The following PHF14 variants were observed in gnomAD, a reference collection of about 807,000 sequenced individuals.
PHF14 encodes the protein PHD finger protein 14.
Under a neutral mutation model 117.9 loss-of-function variants are expected in PHF14, and 55 were observed. The observed-to-expected ratio is 0.47, with a 90% CI of 0.38 to 0.58. The LOEUF (loss-of-function observed/expected upper bound fraction) is 0.58. Among genes scored for constraint, PHF14 ranks in the 20% least tolerant of loss-of-function variants. The pLI is 0.00. For missense variants in PHF14, 978 were observed against 1,122.2 expected (o/e 0.87, Z 1.84); for synonymous variants, 409 against 368.6 (o/e 1.11, Z -1.26).
Position 11,028,743 on chromosome 7 carries a change from A to G in PHF14, c.1380A>G (p.Ala460=), listed in dbSNP as rs376626470. The G allele has an allele frequency of 6.2e-7, 1 of 1,613,700 alleles. No individual in the cohort carries two copies. Among genetic ancestry groups the G allele is most frequent in the Admixed American group, 1.7e-5 (1 of 60,006 alleles). The change falls in exon 7 of 18, where the codon GCA becomes GCG. Residue 460 remains alanine (A), a synonymous_variant. Transcript: ENST00000634607. The part of the protein sequence containing the change: ...ARTGVCISCD[A]GMCRAYFHVT... ...CTGGGGTTTGCATTAGCTGTGATGC[A>G]GGGATGTGCAGAGCCTATTTCCATG...
chr7:11,009,481 G>A (rs957314232), intron 4 of PHF14, among the ~76,000 whole-genome samples: 4 of 148,792 alleles, frequency 2.7e-5, no homozygotes, highest in African/African-American at 1.0e-4. Flanking sequence ...GAAACACACT[G>A]AGCACATATG....
intron 3 of PHF14, 145 bp from the exon 4 acceptor site, chr7:10,990,558 C>A: frequency 1.8e-6 from 1 of 571,356 alleles, no homozygotes; most frequent in Non-Finnish European, 3.1e-6. Context: ...ATATAATGTA[C>A]TTTGAAGTTA....
intron 16 of PHF14, chr7:11,063,559 A>G (rs1562446977): frequency 9.3e-6 from 9 of 971,664 alleles, no homozygotes; most frequent in Non-Finnish European, 1.1e-5. Flanking sequence ...TTTATTAATT[A>G]TTTGAACCTG....
intron 16 of PHF14, among the ~76,000 whole-genome samples, chr7:11,073,905 C>T (rs1785719592): frequency 6.6e-6 from 1 of 152,186 alleles, no homozygotes; most frequent in Non-Finnish European, 1.5e-5. Context: ...GTGATGTGAG[C>T]TGTACCTGGG....
At chr7:11,075,983 G>C (rs1287532018) in intron 16 of PHF14, among the ~76,000 whole-genome samples, 1 of 151,970 alleles carries the variant, frequency 6.6e-6, no homozygotes, top group Admixed American at 6.6e-5. Flanking sequence ...AAATAAAAAA[G>C]TAAAAATTAG....
intron 14 of PHF14, among the ~76,000 whole-genome samples, chr7:11,057,727 A>G (rs532429162): frequency 1.3e-5 from 2 of 152,272 alleles, no homozygotes; most frequent in South Asian, 2.1e-4. Context: ...ACACCTTTTC[A>G]GTTTAAATAC....
chr7:10,983,661 C>T (rs1321542970), intron 3 of PHF14, among the ~76,000 whole-genome samples: 2 of 152,140 alleles, frequency 1.3e-5, no homozygotes, highest in Admixed American at 1.3e-4. Context: ...CCAGTTGTAG[C>T]ACTCATCATC....
intron 16 of PHF14, chr7:11,105,546 A>T (rs918073304): frequency 1.0e-6 from 1 of 980,250 alleles, no homozygotes; most frequent in African/African-American, 1.7e-5. Context: ...AAATTTAAAA[A>T]TGGCAATTGA....
chr7:11,098,742 C>G (rs1011898785), intron 16 of PHF14, among the ~76,000 whole-genome samples: 2 of 152,156 alleles, frequency 1.3e-5, no homozygotes, highest in Admixed American at 1.3e-4. Context: ...TTTAGGGTAA[C>G]AGAGGCCTTA....
rs543216128 is a variant in PHF14, at chr7:11,125,863, G to A, written c.2772+14396G>A. ...GTTATACCTTCATTGAAATTAAGTC[G>A]GTTTTTTGTTAAGGGTACCTTCAAT... On this transcript the variant is annotated intron_variant, in intron 17 of 17. Transcript: ENST00000634607. Among the ~76,000 whole-genome samples, 3 of 151,994 alleles carry A rather than the reference G, an allele frequency of 2.0e-5. No individual in the cohort carries two copies. The South Asian group carries it at 6.2e-4, about 32-fold the overall frequency.
At chr7:11,006,315 C>T (rs1583355751) in intron 4 of PHF14, 1 of 405,418 alleles carries the variant, frequency 2.5e-6, no homozygotes, top group South Asian at 2.0e-5. Context: ...TGTTACTTGC[C>T]TGTCATTTTC....
rs543403368 is a variant in PHF14 at position 11,011,328 on chromosome 7, C to G, written c.1046-2419C>G. Among the ~76,000 whole-genome samples, 32 of 152,220 alleles carry G rather than the reference C, an allele frequency of 2.1e-4. No homozygotes were observed. The South Asian group carries it at 6.4e-3, about 31-fold the overall frequency. Reference sequence around the variant, plus strand: ...TTTGATGGTTGTGAGAGGTCACGCTCCAATTTAGGCTCCTGGTTGTCTGGT... The same window carrying G: ...TTTGATGGTTGTGAGAGGTCACGCTGCAATTTAGGCTCCTGGTTGTCTGGT... On this transcript the variant is annotated intron_variant, in intron 4 of 17. Coordinates refer to ENST00000634607, the MANE Select transcript of PHF14 (RefSeq NM_001007157.2).
intron 13 of PHF14, among the ~76,000 whole-genome samples, chr7:11,045,075 C>G (rs1784622048): frequency 6.6e-6 from 1 of 152,124 alleles, no homozygotes; most frequent in Non-Finnish European, 1.5e-5. Context: ...ATCCTACATT[C>G]TGTGATGCCA....
intron 16 of PHF14, among the ~76,000 whole-genome samples, chr7:11,099,884 A>G (rs1017185814): frequency 6.6e-6 from 1 of 152,162 alleles, no homozygotes; most frequent in African/African-American, 2.4e-5. Context: ...CATCACTACT[A>G]AGCAGCAGGG....
At chr7:11,058,167 A>G (rs977408764) in intron 14 of PHF14, among the ~76,000 whole-genome samples, 6 of 152,202 alleles carry the variant, frequency 3.9e-5, no homozygotes, top group South Asian at 2.1e-4. Context: ...CCACCCAGTT[A>G]TATATACTTC....
chr7:11,089,398 AG>A (rs1320180073), intron 16 of PHF14, among the ~76,000 whole-genome samples: 1 of 152,180 alleles, frequency 6.6e-6, no homozygotes, highest in Non-Finnish European at 1.5e-5. Context: ...TTTCTCTAAA[AG>A]GTGAAATTCA....
At position 11,003,085 on chromosome 7, in the gene PHF14, C is replaced by T. The variant is rs560817228; in HGVS notation, c.1046-10662C>T. 3.7e-4 allele frequency among the ~76,000 whole-genome samples: 56 copies of T among 152,216 alleles called. 3 individuals are homozygous for T. The highest frequency in any genetic ancestry group is 1.3e-3 in the African/African-American group (54 of 41,540). ...CCTCCCAAGTAGCTGGGATTACAGG[C>T]GTGTGCCACCACACCCAGCTAATTT... On this transcript the variant is annotated intron_variant, in intron 4 of 17. Transcript: ENST00000634607.
chr7:11,052,570 A>G (rs1015041043), intron 14 of PHF14, among the ~76,000 whole-genome samples: 2 of 152,192 alleles, frequency 1.3e-5, no homozygotes, highest in Non-Finnish European at 2.9e-5. Context: ...ATTGTTTTCC[A>G]AACCAGTTCA....
chr7:11,014,178 A>G lies in PHF14; in HGVS notation c.1205+272A>G, dbSNP rs568035974. Among the ~76,000 whole-genome samples, 7 of 152,288 alleles carry G rather than the reference A, an allele frequency of 4.6e-5. No individual in the cohort carries two copies. In the East Asian group the frequency reaches 1.4e-3, roughly 29 times the overall value. On this transcript the variant is annotated intron_variant, in intron 5 of 17. Transcript: ENST00000634607. ...CAGGTGGTAACGTTTCTCATTTTATAGGTGTATAGTACCCAGGGCTCAGAT... is the reference window on the plus strand; with the variant it reads ...CAGGTGGTAACGTTTCTCATTTTATGGGTGTATAGTACCCAGGGCTCAGAT...
Sources: allele counts gnomAD v4.1 joint callset (sites outside exome capture counted in the v4.1 genomes callset), GRCh38; gene constraint gnomAD v4.1.1; transcripts MANE v1.5; gene names NCBI Gene and HGNC (gene_info 2026-07-23, HGNC 2026-07-21).